Variants in CEP128 observed in about 807,000 individuals in gnomAD.
The protein encoded by CEP128 is centrosomal protein 128kDa.
CEP128 carries 132 observed loss-of-function variants against 156.7 expected under a neutral mutation model. The ratio of observed to expected loss-of-function variants is 0.84; its 90% CI spans 0.73 to 0.97. The LOEUF (loss-of-function observed/expected upper bound fraction) is 0.97. CEP128 is among the 50% of genes least tolerant of loss of function. The pLI is 0.00. For missense variants in CEP128, 1,252 were observed against 1,281.9 expected (o/e 0.98, Z 0.36); for synonymous variants, 469 against 448.9 (o/e 1.04, Z -0.57).
chr14:80,605,068 T>G (rs906026552), intron 19 of CEP128, among the ~76,000 whole-genome samples: 2 of 152,128 alleles, frequency 1.3e-5, no homozygotes, highest in Non-Finnish European at 2.9e-5. Context: ...ATTCTTTCTC[T>G]GCTATTAGTT....
chr14:80,482,268 A>C (rs914065234), intron 14 of CEP128, among the ~76,000 whole-genome samples: 5 of 152,220 alleles, frequency 3.3e-5, no homozygotes, highest in Non-Finnish European at 7.3e-5. Context: ...TCCTATGTTT[A>C]GTACGTTGGA....
intron 19 of CEP128, among the ~76,000 whole-genome samples, chr14:80,732,815 A>T (rs1222520963): frequency 6.6e-6 from 1 of 152,110 alleles, no homozygotes. Flanking sequence ...ATAGGTGAGG[A>T]CAAGTCCAGC....
chr14:80,512,390 A>T (rs1387230640), intron 23 of CEP128, among the ~76,000 whole-genome samples: 1 of 151,972 alleles, frequency 6.6e-6, no homozygotes, highest in Non-Finnish European at 1.5e-5. Context: ...TTCTGATATA[A>T]GTATAGCTAC....
At chr14:80,602,405 G>A (rs1892616005) in intron 19 of CEP128, among the ~76,000 whole-genome samples, 1 of 152,176 alleles carries the variant, frequency 6.6e-6, no homozygotes, top group Non-Finnish European at 1.5e-5. Context: ...AGCAACAGCA[G>A]AATACACATT....
At chr14:80,954,181 A>G (rs1886540157) in intron 2 of CEP128, among the ~76,000 whole-genome samples, 1 of 152,116 alleles carries the variant, frequency 6.6e-6, no homozygotes. Context: ...GAGGCAGCAG[A>G]ATTGCTTGAA....
chr14:80,576,649 GTGTGTCTGTGTC>G (rs1177735498), intron 20 of CEP128, among the ~76,000 whole-genome samples: 3 of 127,170 alleles, frequency 2.4e-5, no homozygotes, highest in Admixed American at 7.9e-5. Context: ...GTGTGTGTGT[GTGTGTCTGTGTC>G]TGTGTCTGTG....
rs571507102 is a variant in CEP128 at position 80,888,452 on chromosome 14, G to A, written c.645+7266C>T. Among the ~76,000 whole-genome samples the A allele has an allele frequency of 4.5e-4, 69 of 152,166 alleles. No individual in the cohort carries two copies. In the Middle Eastern group the frequency reaches 0.01, roughly 23 times the overall value. On this transcript the variant is annotated intron_variant, in intron 8 of 24. Coordinates refer to ENST00000555265, the MANE Select transcript of CEP128 (RefSeq NM_152446.5). ...CCACCACGATCAAGTTAGCTTCATC[G>A]CTGGAATGCAAGGCTGGTTCAACAT...
intron 19 of CEP128, among the ~76,000 whole-genome samples, chr14:80,597,199 G>A (rs1892368316): frequency 6.6e-6 from 1 of 152,038 alleles, no homozygotes; most frequent in African/African-American, 2.4e-5. Context: ...GAGAGACGGG[G>A]CAGGGAACAA....
At chr14:80,818,152 TG>T (rs1213611776) in intron 13 of CEP128, among the ~76,000 whole-genome samples, 2 of 152,106 alleles carry the variant, frequency 1.3e-5, no homozygotes, top group Non-Finnish European at 2.9e-5. Context: ...CCTGAGTAGC[TG>T]GGACTACAGG....
At chr14:80,798,462 A>G (rs1424233426) in intron 13 of CEP128, among the ~76,000 whole-genome samples, 4 of 152,234 alleles carry the variant, frequency 2.6e-5, no homozygotes, top group Non-Finnish European at 1.5e-5. Context: ...GACAACACAT[A>G]TAAAGTGTTA....
At chr14:80,892,289 AC>A (rs1889139215) in intron 8 of CEP128, among the ~76,000 whole-genome samples, 1 of 151,972 alleles carries the variant, frequency 6.6e-6, no homozygotes, top group Non-Finnish European at 1.5e-5. Flanking sequence ...TGACAGGGGC[AC>A]CAATAGGATA....
intron 9 of CEP128, among the ~76,000 whole-genome samples, chr14:80,855,742 A>G (rs1412719612): frequency 6.6e-6 from 1 of 152,150 alleles, no homozygotes; most frequent in African/African-American, 2.4e-5. Flanking sequence ...AAAGTGCAGG[A>G]AAAGGGGTTA....
At chr14:80,632,955 T>G (rs1894023246) in intron 19 of CEP128, among the ~76,000 whole-genome samples, 1 of 152,090 alleles carries the variant, frequency 6.6e-6, no homozygotes, top group Admixed American at 6.6e-5. Flanking sequence ...AGGATGGGGT[T>G]TGGGATTCAC....
At chr14:80,686,990 T>C (rs955771433) in intron 19 of CEP128, among the ~76,000 whole-genome samples, 5 of 152,142 alleles carry the variant, frequency 3.3e-5, no homozygotes, top group Non-Finnish European at 5.9e-5. Flanking sequence ...ACAATAATAG[T>C]GGGAGATTTT....
downstream of CEP128, among the ~76,000 whole-genome samples, chr14:80,489,145 A>AAG (rs1203389003): frequency 1.3e-5 from 2 of 151,880 alleles, no homozygotes; most frequent in South Asian, 2.1e-4. Context: ...AATAAAAAAA[A>AAG]AGAGAGAGAG....
chr14:80,663,721 C>G (rs1290067197), intron 19 of CEP128, among the ~76,000 whole-genome samples: 1 of 152,186 alleles, frequency 6.6e-6, no homozygotes, highest in Non-Finnish European at 1.5e-5. Context: ...CCCTAACCCC[C>G]CTACAAGGGA....
chr14:80,811,633 C>T (rs1251065398), intron 13 of CEP128, among the ~76,000 whole-genome samples: 1 of 150,772 alleles, frequency 6.6e-6, no homozygotes, highest in Non-Finnish European at 1.5e-5. Flanking sequence ...GGGCAGAAAC[C>T]CTAGTTTGTG....
chr14:80,915,120 T>C (rs747168788), intron 3 of CEP128, among the ~76,000 whole-genome samples: 1 of 152,204 alleles, frequency 6.6e-6, no homozygotes, highest in African/African-American at 2.4e-5. Context: ...GGCATGATCA[T>C]GGCTCACTGC....
intron 19 of CEP128, among the ~76,000 whole-genome samples, chr14:80,681,841 T>C (rs1049483374): frequency 6.6e-6 from 1 of 152,100 alleles, no homozygotes; most frequent in Non-Finnish European, 1.5e-5. Context: ...CAGTGAGTCA[T>C]CTCTATAATC....
Sources: gnomAD v4.1 joint callset for allele counts (sites outside exome capture counted in the v4.1 genomes callset) on GRCh38, gnomAD v4.1.1 for gene constraint, MANE v1.5 for transcripts, NCBI Gene and HGNC (gene_info 2026-07-23, HGNC 2026-07-21) for gene names.